Variants in FANCC observed in about 807,000 individuals in gnomAD.
The protein encoded by FANCC is FA complementation group C, also known as Fanconi anemia group C protein.
A neutral mutation model predicts 71.3 loss-of-function variants in FANCC; 55 were observed. The observed-to-expected ratio is 0.77, with a 90% CI of 0.62 to 0.97. The LOEUF (loss-of-function observed/expected upper bound fraction) is 0.97, where lower values mean the gene tolerates loss of function less well. FANCC is among the 50% of genes least tolerant of loss of function. FANCC has a pLI of 0.00. For missense variants in FANCC, 678 were observed against 670.9 expected (o/e 1.01, Z -0.12); for synonymous variants, 275 against 244.9 (o/e 1.12, Z -1.15).
At chr9:95,116,903 C>A (rs2072466413) in intron 11 of FANCC, among the ~76,000 whole-genome samples, 1 of 152,196 alleles carries the variant, frequency 6.6e-6, no homozygotes, top group Admixed American at 6.5e-5. Context: ...CTTCATCCAT[C>A]ATTTTGTCTT....
chr9:95,145,479 A>T (rs540514085), intron 7 of FANCC: 1 of 152,332 alleles, frequency 6.6e-6, no homozygotes, highest in East Asian at 1.9e-4. Flanking sequence ...ATATACTTAC[A>T]GGAGTCTTCC....
chr9:95,226,282 A>G (rs928877752), intron 4 of FANCC, among the ~76,000 whole-genome samples: 1 of 152,218 alleles, frequency 6.6e-6, no homozygotes, highest in Non-Finnish European at 1.5e-5. Flanking sequence ...GTATAAAAAA[A>G]TTTTCCACAA....
chr9:95,306,062 ATGT>A (rs1370136990), intron 1 of FANCC, among the ~76,000 whole-genome samples: 2 of 152,198 alleles, frequency 1.3e-5, no homozygotes, highest in Non-Finnish European at 2.9e-5. Context: ...TGGTACAAAC[ATGT>A]TGTACTGATC....
rs944083227 is a variant in FANCC at position 95,111,483 on chromosome 9, G to T, written c.1309C>A (p.Gln437Lys). 1 of 1,613,630 alleles carries T rather than the reference G, an allele frequency of 6.2e-7. No individual in the cohort carries two copies. Among genetic ancestry groups the T allele is most frequent in the South Asian group, 1.1e-5 (1 of 91,082 alleles). ...CCCACCATAGTCTGTGCTCTCTGCT[G>T]CCTCCCATCACGGGGGCCGTAGTAG... ...AFYYGPRDGR[Q>K]QRAQTMVQVK... The change falls in exon 13 of 15, where the codon CAG becomes AAG. Residue 437 changes from glutamine (Q) to lysine (K), a missense_variant. By Grantham distance (53) the Gln-to-Lys change is moderately conservative. Transcript: ENST00000289081.
At chr9:95,155,343 AAGGG>A (rs1232805962) in intron 6 of FANCC, among the ~76,000 whole-genome samples, 14 of 26,392 alleles carry the variant, frequency 5.3e-4, no homozygotes, top group African/African-American at 1.2e-3. Context: ...GGAAGGGAGG[AAGGG>A]AGGGAGGGAG....
At chr9:95,271,693 A>G (rs1832730388) in intron 1 of FANCC, among the ~76,000 whole-genome samples, 1 of 152,212 alleles carries the variant, frequency 6.6e-6, no homozygotes, top group African/African-American at 2.4e-5. Context: ...TGCAAATTAC[A>G]AAAAGGGAAG....
intron 4 of FANCC, among the ~76,000 whole-genome samples, chr9:95,193,609 G>A (rs1827240985): frequency 6.6e-6 from 1 of 152,202 alleles, no homozygotes. Context: ...TGGTAAGACT[G>A]TGCAAGACAA....
chr9:95,155,363 GA>G (rs1830417798), intron 6 of FANCC, among the ~76,000 whole-genome samples: 1 of 94,260 alleles, frequency 1.1e-5, no homozygotes, highest in African/African-American at 4.2e-5. Context: ...GGGAGGGAGG[GA>G]GGGAGGGAGG....
chr9:95,191,195 C>A (rs559340268), intron 4 of FANCC, among the ~76,000 whole-genome samples: 2 of 152,260 alleles, frequency 1.3e-5, no homozygotes, highest in South Asian at 4.2e-4. Flanking sequence ...TCCCCTTCGG[C>A]CTTGCATCTG....
chr9:95,215,255 A>C (rs1828785447), intron 4 of FANCC, among the ~76,000 whole-genome samples: 1 of 152,142 alleles, frequency 6.6e-6, no homozygotes, highest in African/African-American at 2.4e-5. Context: ...AAAAGAATTA[A>C]ATTCCTAAAA....
intron 1 of FANCC, among the ~76,000 whole-genome samples, chr9:95,273,700 A>C (rs143434535): frequency 2.0e-5 from 3 of 152,294 alleles, no homozygotes; most frequent in Non-Finnish European, 2.9e-5. Context: ...AGAACTAACC[A>C]TTATCTAATC....
intron 4 of FANCC, among the ~76,000 whole-genome samples, chr9:95,206,017 G>T (rs1828100935): frequency 6.6e-6 from 1 of 152,164 alleles, no homozygotes; most frequent in Admixed American, 6.5e-5. Context: ...GTCATTTTCA[G>T]CTTTTGTGCT....
intron 3 of FANCC, among the ~76,000 whole-genome samples, chr9:95,243,534 C>T (rs998192541): frequency 6.6e-6 from 1 of 151,976 alleles, no homozygotes; most frequent in Admixed American, 6.5e-5. Flanking sequence ...CCTGTAATCC[C>T]AGCACTTTGG....
At chr9:95,124,614 C>G (rs1825688300) in intron 10 of FANCC, among the ~76,000 whole-genome samples, 1 of 152,192 alleles carries the variant, frequency 6.6e-6, no homozygotes, top group Non-Finnish European at 1.5e-5. Context: ...TTCCTGGAAG[C>G]CAATTCACAT....
intron 1 of FANCC, among the ~76,000 whole-genome samples, chr9:95,257,534 A>G (rs1347076338): frequency 1.3e-5 from 2 of 152,208 alleles, no homozygotes; most frequent in Non-Finnish European, 2.9e-5. Flanking sequence ...CGAAAACAGT[A>G]TTTAGAGGGA....
chr9:95,302,081 C>CAAA (rs375479917), intron 1 of FANCC, among the ~76,000 whole-genome samples: 10 of 98,894 alleles, frequency 1.0e-4, no homozygotes, highest in East Asian at 5.6e-4. Flanking sequence ...GACTCCATCT[C>CAAA]AAAAAAAAAA....
chr9:95,252,339 T>C lies in FANCC; in HGVS notation c.-78-2970A>G, dbSNP rs865790260. 8.9e-5 allele frequency among the ~76,000 whole-genome samples: 13 copies of C among 146,612 alleles called. No homozygotes were observed. The South Asian group carries it at 2.0e-3, about 22-fold the overall frequency. ...GAAACTGAAGAAACTAACAAACTGA[T>C]GAATTTCTTATATATTTCATATGGC... On this transcript the variant is annotated intron_variant, in intron 1 of 14. Transcript: ENST00000289081.
chr9:95,125,306 T>A, intron 9 of FANCC, 121 bp from the exon 10 acceptor site: 1 of 761,234 alleles, frequency 1.3e-6, no homozygotes, highest in South Asian at 1.5e-5. Flanking sequence ...CAGCAGTATC[T>A]CAACTCATCA....
chr9:95,157,593 T>G (rs1830519561), intron 6 of FANCC, among the ~76,000 whole-genome samples: 3 of 152,224 alleles, frequency 2.0e-5, no homozygotes, highest in Admixed American at 6.5e-5. Context: ...TGAATTCTTG[T>G]GCAGAAATTA....
Sources: gnomAD v4.1 joint callset for allele counts (sites outside exome capture counted in the v4.1 genomes callset) on GRCh38, gnomAD v4.1.1 for gene constraint, MANE v1.5 for transcripts, NCBI Gene and HGNC (gene_info 2026-07-23, HGNC 2026-07-21) for gene names.